Variants in PDE1A observed in about 807,000 individuals in gnomAD.
PDE1A encodes the protein dual specificity calcium/calmodulin-dependent 3',5'-cyclic nucleotide phosphodiesterase 1A.
In PDE1A, 35 loss-of-function variants were observed where a neutral mutation model predicts 61.7. The ratio of observed to expected loss-of-function variants is 0.57; its 90% CI spans 0.43 to 0.75. The LOEUF (loss-of-function observed/expected upper bound fraction) is 0.75, where lower values mean the gene tolerates loss of function less well. Ranked by LOEUF, PDE1A falls within the 30% of genes least tolerant of loss-of-function variation. The probability of loss-of-function intolerance (pLI) is 0.00; values close to 1 mark genes in which losing one functional copy is unlikely to be tolerated. For synonymous variants in PDE1A, 232 were observed against 213.2 expected (o/e 1.09, Z -0.77); for missense variants, 597 against 630.6 (o/e 0.95, Z 0.57).
At position 182,242,899 on chromosome 2, in the gene PDE1A, C is replaced by CCTCT. The variant is rs71340034; in HGVS notation, c.168-2611_168-2608dup. The stretch of plus-strand genomic sequence containing the variant: ...CCTCTCCTCCCTCTCTCTCTCTCTC[C>CCTCT]CTCTCTCTCTCTCTCTCTCTCTCTC... On this transcript the variant is annotated intron_variant, in intron 2 of 13. Coordinates refer to ENST00000351439, the Ensembl canonical transcript of PDE1A. Among the ~76,000 whole-genome samples the CCTCT allele has an allele frequency of 8.4e-3, 870 of 103,732 alleles. 10 individuals carry two copies. Among genetic ancestry groups the CCTCT allele is most frequent in the African/African-American group, 0.039 (780 of 20,240 alleles). 68.1% of individuals were successfully genotyped at this position (103,732 alleles called of 152,430 possible).
At chr2:182,355,062 G>C (rs1161483564) in intron 1 of PDE1A, among the ~76,000 whole-genome samples, 1 of 151,882 alleles carries the variant, frequency 6.6e-6, no homozygotes. Context: ...CAATTCCCCT[G>C]ATACAATAAG....
At chr2:182,324,623 G>T (rs1696926076) in intron 1 of PDE1A, among the ~76,000 whole-genome samples, 1 of 152,064 alleles carries the variant, frequency 6.6e-6, no homozygotes, top group Admixed American at 6.6e-5. Flanking sequence ...TTCATATTTT[G>T]CCCCAAACCT....
the PDE1A span, among the ~76,000 whole-genome samples, chr2:182,677,740 T>C: frequency 6.6e-6 from 1 of 152,184 alleles, no homozygotes; most frequent in African/African-American, 2.4e-5. Flanking sequence ...ATCTGATCTT[T>C]GACAAAGCTG....
chr2:182,620,411 A>G, the PDE1A span, among the ~76,000 whole-genome samples: 1 of 152,186 alleles, frequency 6.6e-6, no homozygotes, highest in Non-Finnish European at 1.5e-5. Context: ...TTGTCCAGAT[A>G]TATGTGTGGA....
At chr2:182,659,621 T>C in the PDE1A span, among the ~76,000 whole-genome samples, 1 of 152,126 alleles carries the variant, frequency 6.6e-6, no homozygotes, top group South Asian at 2.1e-4. Context: ...AGTGAAAAGG[T>C]TATATGAAAG....
intron 13 of PDE1A, among the ~76,000 whole-genome samples, chr2:182,149,221 A>G (rs955430172): frequency 2.0e-5 from 3 of 152,200 alleles, no homozygotes; most frequent in Non-Finnish European, 4.4e-5. Flanking sequence ...TTTTTTAGAG[A>G]ACTTTTTATA....
At chr2:182,532,963 A>C in the PDE1A span, among the ~76,000 whole-genome samples, 1 of 149,400 alleles carries the variant, frequency 6.7e-6, no homozygotes, top group Non-Finnish European at 1.5e-5. Flanking sequence ...AAAAAAAAAA[A>C]AAAAAAAAAA....
At chr2:182,316,595 G>A (rs927041626) in intron 1 of PDE1A, among the ~76,000 whole-genome samples, 2 of 152,118 alleles carry the variant, frequency 1.3e-5, no homozygotes, top group Non-Finnish European at 2.9e-5. Context: ...TATTGTTGGT[G>A]TCTTCATTTC....
At chr2:182,263,029 A>G (rs959141563) in intron 2 of PDE1A, among the ~76,000 whole-genome samples, 6 of 151,914 alleles carry the variant, frequency 3.9e-5, no homozygotes, top group Non-Finnish European at 7.4e-5. Context: ...ACATAGGTAA[A>G]TAAAAACCAA....
chr2:182,657,976 C>T, the PDE1A span, among the ~76,000 whole-genome samples: 1 of 136,702 alleles, frequency 7.3e-6, no homozygotes, highest in African/African-American at 2.8e-5. Context: ...CCCTGCAAGG[C>T]AGTTGTGAGA....
chr2:182,244,965 G>A (rs1194275683), intron 2 of PDE1A, among the ~76,000 whole-genome samples: 1 of 152,172 alleles, frequency 6.6e-6, no homozygotes. Context: ...CTACAGCCCA[G>A]TTACAACAAT....
the PDE1A span, among the ~76,000 whole-genome samples, chr2:182,689,469 T>C: frequency 2.0e-5 from 3 of 152,134 alleles, no homozygotes; most frequent in African/African-American, 4.8e-5. Context: ...AAAAATGTTC[T>C]TTGAAACCAA....
At chr2:182,432,468 T>C (rs898791151) in intron 2 of PDE1A, among the ~76,000 whole-genome samples, 27 of 152,046 alleles carry the variant, frequency 1.8e-4, no homozygotes, top group Admixed American at 1.8e-3. Flanking sequence ...GTTATTTTCC[T>C]TATAGCTTCA....
At chr2:182,650,725 G>C in the PDE1A span, among the ~76,000 whole-genome samples, 1 of 152,088 alleles carries the variant, frequency 6.6e-6, no homozygotes, top group Non-Finnish European at 1.5e-5. Flanking sequence ...CTTTTTTAAC[G>C]TAAGTATACT....
chr2:182,609,093 T>C, the PDE1A span, among the ~76,000 whole-genome samples: 60,762 of 151,942 alleles, frequency 0.4, 13,613 homozygotes, highest in East Asian at 0.58. Flanking sequence ...GCACTCTATC[T>C]AGCTCAAGGT....
chr2:182,213,099 G>A (rs1687801635), intron 7 of PDE1A, among the ~76,000 whole-genome samples: 2 of 150,312 alleles, frequency 1.3e-5, no homozygotes, highest in Admixed American at 6.6e-5. Context: ...CCTCAAGTGG[G>A]TCCCTGACCC....
chr2:182,189,604 CTTATT>C (rs3835908), intron 10 of PDE1A, among the ~76,000 whole-genome samples: 30,956 of 151,918 alleles, frequency 0.2, 3,329 homozygotes, highest in East Asian at 0.32. Context: ...TGTGCATAAA[CTTATT>C]TTAATGTTTT....
the PDE1A span, among the ~76,000 whole-genome samples, chr2:182,568,482 C>T: frequency 9.9e-3 from 1,494 of 151,662 alleles, 15 homozygotes; most frequent in Non-Finnish European, 0.016. Context: ...ATCGAGACAG[C>T]GGTGAAACCC....
intron 10 of PDE1A, among the ~76,000 whole-genome samples, chr2:182,196,277 C>A (rs952916059): frequency 7.2e-5 from 11 of 151,934 alleles, no homozygotes; most frequent in African/African-American, 2.7e-4. Flanking sequence ...GATCTGAACT[C>A]AATTTCATTG....
Sources: gnomAD v4.1 joint callset for allele counts (sites outside exome capture counted in the v4.1 genomes callset) on GRCh38, gnomAD v4.1.1 for gene constraint, MANE v1.5 for transcripts, NCBI Gene and HGNC (gene_info 2026-07-23, HGNC 2026-07-21) for gene names.